The following SEL1L variants were observed in gnomAD, a reference collection of about 807,000 sequenced individuals.
The protein encoded by SEL1L is protein sel-1 homolog 1.
SEL1L carries 52 observed loss-of-function variants against 109.8 expected under a neutral mutation model. The observed-to-expected ratio is 0.47, with a 90% confidence interval of 0.38 to 0.60. The LOEUF (loss-of-function observed/expected upper bound fraction) is 0.60. SEL1L is among the 20% of genes least tolerant of loss of function. SEL1L has a pLI of 0.00. For missense variants in SEL1L, 749 were observed against 962.2 expected, an observed-to-expected ratio of 0.78 and a Z score of 2.93; for synonymous variants, 373 against 339.6, an observed-to-expected ratio of 1.10 and a Z score of -1.08.
chr14:81,526,021 T>A (rs1193015299), intron 3 of SEL1L, among the ~76,000 whole-genome samples: 4 of 152,046 alleles, frequency 2.6e-5, no homozygotes, highest in East Asian at 1.9e-4. Flanking sequence ...TAAAAAAAAA[T>A]TCTATTTTTT....
chr14:81,506,962 G>A (rs1884265333), intron 3 of SEL1L, among the ~76,000 whole-genome samples: 1 of 152,210 alleles, frequency 6.6e-6, no homozygotes, highest in Non-Finnish European at 1.5e-5. Flanking sequence ...CTATGGAAAG[G>A]AAAGCCTCCC....
At chr14:81,482,235 A>T (rs1413478307) in intron 19 of SEL1L, among the ~76,000 whole-genome samples, 2 of 152,090 alleles carry the variant, frequency 1.3e-5, no homozygotes, top group East Asian at 3.9e-4. Context: ...ATTAGAACAC[A>T]TTTTCTTGTT....
chr14:81,519,028 G>A (rs771326114), intron 3 of SEL1L, among the ~76,000 whole-genome samples: 18 of 152,246 alleles, frequency 1.2e-4, no homozygotes, highest in Non-Finnish European at 2.1e-4. Flanking sequence ...GATAAGAGTG[G>A]CTCACCCAAA....
Position 81,533,758 on chromosome 14 carries a change from C to T in SEL1L, c.-14G>A. ...CCGGACCCGCATCCTCCTCTCGGGG[C>T]CGGTGCCAACCCCTAGAGCTGTCGC... On this transcript the variant is annotated 5_prime_UTR_variant, in exon 1 of 21. Coordinates refer to ENST00000336735, the MANE Select transcript of SEL1L (RefSeq NM_005065.6). 6.2e-7 allele frequency: 1 copy of T among 1,611,972 alleles called. No homozygotes were observed. The highest frequency in any genetic ancestry group is 8.5e-7 in the Non-Finnish European group (1 of 1,179,264).
chr14:81,513,038 G>A (rs1005388034), intron 3 of SEL1L, among the ~76,000 whole-genome samples: 1 of 152,192 alleles, frequency 6.6e-6, no homozygotes, highest in Non-Finnish European at 1.5e-5. Flanking sequence ...CTAGCTAAAG[G>A]ATTGTAAACA....
chr14:81,487,234 A>G (rs1007768699), intron 16 of SEL1L, among the ~76,000 whole-genome samples, 156 bp downstream of exon 16: 1 of 152,158 alleles, frequency 6.6e-6, no homozygotes, highest in South Asian at 2.1e-4. Flanking sequence ...TGGTAATTAC[A>G]CACAGACCCC....
intron 10 of SEL1L, among the ~76,000 whole-genome samples, chr14:81,495,497 C>CGTG (rs1883709791): frequency 6.6e-6 from 1 of 152,026 alleles, no homozygotes; most frequent in Non-Finnish European, 1.5e-5. Flanking sequence ...ATTAGCCGGG[C>CGTG]GTGGTAGCAT....
chr14:81,526,674 C>G, intron 3 of SEL1L, 59 bp downstream of exon 3: 1 of 1,300,114 alleles, frequency 7.7e-7, no homozygotes, highest in Non-Finnish European at 1.1e-6. Context: ...TATTCATTAG[C>G]TTAAAATTTT....
chr14:81,527,438 TACACACACACAC>T (rs67777470), intron 2 of SEL1L, among the ~76,000 whole-genome samples: 8 of 146,662 alleles, frequency 5.5e-5, no homozygotes, highest in Admixed American at 4.7e-4. Context: ...TCTTCAAACT[TACACACACACAC>T]ACACACACAC....
At chr14:81,494,739 T>C (rs556578876) in intron 11 of SEL1L, among the ~76,000 whole-genome samples, 22 of 152,358 alleles carry the variant, frequency 1.4e-4, no homozygotes, top group African/African-American at 5.0e-4. Flanking sequence ...AATTATTGTA[T>C]CTTTTAAATC....
chr14:81,533,542 G>T, intron 1 of SEL1L, 133 bp downstream of exon 1: 1 of 818,272 alleles, frequency 1.2e-6, no homozygotes, highest in Non-Finnish European at 1.9e-6. Context: ...AAGCCAAAGA[G>T]CGAGTGACAG....
intron 19 of SEL1L, 57 bp downstream of exon 19, chr14:81,484,168 A>G: frequency 3.3e-6 from 5 of 1,522,108 alleles, no homozygotes; most frequent in Non-Finnish European, 4.5e-6. Context: ...ATACAAATGC[A>G]AGTATTTTCC....
At chr14:81,506,300 T>C in intron 3 of SEL1L, 59 bp from the exon 4 acceptor site, 1 of 1,382,194 alleles carries the variant, frequency 7.2e-7, no homozygotes. Context: ...ATTCATGGAT[T>C]CAATGCCATC....
intron 3 of SEL1L, among the ~76,000 whole-genome samples, chr14:81,515,977 G>A (rs1307379993): frequency 6.6e-6 from 1 of 152,162 alleles, no homozygotes; most frequent in Admixed American, 6.5e-5. Context: ...GAAAATAGAG[G>A]AGGCCAATCA....
chr14:81,485,928 A>C (rs569469259), intron 17 of SEL1L, among the ~76,000 whole-genome samples, 182 bp from the exon 18 acceptor site: 1 of 152,342 alleles, frequency 6.6e-6, no homozygotes, highest in South Asian at 2.1e-4. Context: ...CAATCACTGG[A>C]TGCAAGAGGG....
In SEL1L at chr14:81,473,358, G is replaced by A. The variant is rs1903060975; in HGVS notation, c.*3614C>T. On this transcript the variant is annotated 3_prime_UTR_variant, in exon 21 of 21. Coordinates refer to ENST00000336735, the MANE Select transcript of SEL1L (RefSeq NM_005065.6). Reference sequence around the variant, plus strand: ...ATACAAATCATCTTTCCTTGGGATCGTTTTAAATTTTCTTGAAATACCAAG... The same window carrying A: ...ATACAAATCATCTTTCCTTGGGATCATTTTAAATTTTCTTGAAATACCAAG... 1 of 152,092 alleles carries A rather than the reference G, an allele frequency of 6.6e-6. No individual in the cohort carries two copies. Among genetic ancestry groups the A allele is most frequent in the Non-Finnish European group, 1.5e-5 (1 of 68,008 alleles). 9.4% of individuals were successfully genotyped at this position (152,092 alleles called of 1,614,324 possible).
intron 8 of SEL1L, chr14:81,499,243 A>G: frequency 8.1e-7 from 1 of 1,231,614 alleles, no homozygotes; most frequent in Non-Finnish European, 1.0e-6. Flanking sequence ...AGCCAAACTA[A>G]TCATTTTAAA....
intron 13 of SEL1L, 78 bp from the exon 14 acceptor site, chr14:81,489,392 A>C: frequency 8.7e-7 from 1 of 1,150,278 alleles, no homozygotes; most frequent in South Asian, 1.3e-5. Flanking sequence ...CTGCAAAATA[A>C]ATCATTTATA....
In SEL1L at chr14:81,522,277, G is replaced by A. The variant is rs61986628; in HGVS notation, c.340+4456C>T. Among the ~76,000 whole-genome samples, 481 of 152,296 alleles carry A rather than the reference G, an allele frequency of 3.2e-3. 2 individuals are homozygous for A. Among genetic ancestry groups the A allele is most frequent in the Middle Eastern group, 0.01 (3 of 294 alleles). ...TTATAAAAGTTTACAGTGGTGTACAGCAATGTCCCAGGCCTTCACATTCAC... is the reference window on the plus strand; with the variant it reads ...TTATAAAAGTTTACAGTGGTGTACAACAATGTCCCAGGCCTTCACATTCAC... On this transcript the variant is annotated intron_variant, in intron 3 of 20. Coordinates refer to ENST00000336735, the MANE Select transcript of SEL1L (RefSeq NM_005065.6).
Sources: gnomAD v4.1 joint callset for allele counts (sites outside exome capture counted in the v4.1 genomes callset) on GRCh38, gnomAD v4.1.1 for gene constraint, MANE v1.5 for transcripts, NCBI Gene and HGNC (gene_info 2026-07-23, HGNC 2026-07-21) for gene names.